The following LDLRAD3 variants were observed in gnomAD, a reference collection of about 807,000 sequenced individuals.
LDLRAD3 encodes low density lipoprotein receptor class A domain containing 3, also known as low-density lipoprotein receptor class A domain-containing protein 3.
LDLRAD3 carries 20 observed loss-of-function variants against 29.4 expected under a neutral mutation model. The ratio of observed to expected loss-of-function variants is 0.68; its 90% CI spans 0.48 to 0.99. LDLRAD3 has a LOEUF of 0.99. Ranked by LOEUF, LDLRAD3 falls within the 50% of genes least tolerant of loss-of-function variation. The pLI is 0.00. For missense variants in LDLRAD3, 420 were observed against 454.3 expected, an observed-to-expected ratio of 0.92 and a Z score of 0.69; for synonymous variants, 157 against 192.7, an observed-to-expected ratio of 0.81 and a Z score of 1.53.
intron 2 of LDLRAD3, 91 bp downstream of exon 2, chr11:36,036,340 C>A: frequency 6.9e-7 from 1 of 1,442,708 alleles, no homozygotes; most frequent in Non-Finnish European, 9.5e-7. Context: ...CCTGCACACT[C>A]TGCTTGCTGC....
intron 2 of LDLRAD3, among the ~76,000 whole-genome samples, chr11:36,061,963 G>C (rs1852707070): frequency 6.7e-6 from 1 of 150,346 alleles, no homozygotes; most frequent in Non-Finnish European, 1.5e-5. Context: ...CTGATACCAA[G>C]CCACTTTGGG....
chr11:36,027,746 C>T (rs1305525059), intron 1 of LDLRAD3, among the ~76,000 whole-genome samples: 1 of 152,210 alleles, frequency 6.6e-6, no homozygotes, highest in Non-Finnish European at 1.5e-5. Flanking sequence ...GCACAAGGGG[C>T]TGGGCTGAAC....
At chr11:36,083,780 A>ACACACACC (rs1341157355) in intron 3 of LDLRAD3, among the ~76,000 whole-genome samples, 1 of 74,780 alleles carries the variant, frequency 1.3e-5, no homozygotes, top group Non-Finnish European at 3.0e-5. Context: ...ACACACACAC[A>ACACACACC]CCCCAGAATA....
chr11:36,025,833 G>A (rs1049477937), intron 1 of LDLRAD3, among the ~76,000 whole-genome samples: 4 of 141,782 alleles, frequency 2.8e-5, no homozygotes, highest in Non-Finnish European at 6.0e-5. Context: ...AGGCTGGAGT[G>A]CAGTGGCATG....
chr11:36,099,665 T>G (rs1210358309), intron 4 of LDLRAD3, among the ~76,000 whole-genome samples: 1 of 152,224 alleles, frequency 6.6e-6, no homozygotes, highest in Non-Finnish European at 1.5e-5. Flanking sequence ...ATGTAGGTTA[T>G]TTTCAAGGTC....
At chr11:36,205,872 A>G (rs1855199595) in intron 4 of LDLRAD3, among the ~76,000 whole-genome samples, 1 of 152,170 alleles carries the variant, frequency 6.6e-6, no homozygotes, top group Admixed American at 6.5e-5. Context: ...GTAGAATATT[A>G]ATTGACATGA....
At chr11:35,997,332 T>C in intron 1 of LDLRAD3, 1 of 452,264 alleles carries the variant, frequency 2.2e-6, no homozygotes, top group Non-Finnish European at 4.3e-6. Flanking sequence ...CAGTGCCACA[T>C]CTGTGAAGCA....
intron 1 of LDLRAD3, among the ~76,000 whole-genome samples, chr11:36,025,319 T>G (rs1852149459): frequency 1.3e-5 from 2 of 152,110 alleles, no homozygotes; most frequent in Admixed American, 6.5e-5. Context: ...TTACCAAGAA[T>G]AGCACAAATC....
chr11:35,983,435 C>T (rs1851568165), intron 1 of LDLRAD3, among the ~76,000 whole-genome samples: 1 of 152,024 alleles, frequency 6.6e-6, no homozygotes, highest in East Asian at 1.9e-4. Flanking sequence ...ACCGCATGGA[C>T]CTGTTTGGGC....
chr11:36,089,812 A>G (rs1853252433), intron 3 of LDLRAD3, among the ~76,000 whole-genome samples: 1 of 135,696 alleles, frequency 7.4e-6, no homozygotes, highest in African/African-American at 2.8e-5. Flanking sequence ...GGGTCTTGCT[A>G]TGCTGCCTTG....
At chr11:36,122,034 G>A (rs762069998) in intron 4 of LDLRAD3, among the ~76,000 whole-genome samples, 1 of 152,146 alleles carries the variant, frequency 6.6e-6, no homozygotes, top group Admixed American at 6.5e-5. Flanking sequence ...GGAGACAATG[G>A]GATAGGCATG....
At chr11:36,216,059 C>G (rs1252695524) in intron 4 of LDLRAD3, among the ~76,000 whole-genome samples, 2 of 152,218 alleles carry the variant, frequency 1.3e-5, no homozygotes, top group East Asian at 3.8e-4. Flanking sequence ...ACTTCATGCT[C>G]AGGAGCTGCT....
chr11:36,123,999 A>G (rs1003264368), intron 4 of LDLRAD3, among the ~76,000 whole-genome samples: 2 of 152,236 alleles, frequency 1.3e-5, no homozygotes, highest in African/African-American at 4.8e-5. Flanking sequence ...GACTAAATAA[A>G]AGGGGGAGGA....
chr11:36,041,870 T>G (rs1048832808), intron 2 of LDLRAD3, among the ~76,000 whole-genome samples: 4 of 117,360 alleles, frequency 3.4e-5, no homozygotes, highest in African/African-American at 9.9e-5. Context: ...TTGGTGGGTG[T>G]GTTTGGTTGA....
At chr11:36,158,326 T>C (rs1200137818) in intron 4 of LDLRAD3, among the ~76,000 whole-genome samples, 1 of 152,024 alleles carries the variant, frequency 6.6e-6, no homozygotes, top group African/African-American at 2.4e-5. Context: ...CACCAAAGAC[T>C]CTCTCACCCC....
chr11:35,965,516 G>A (rs1038941463), intron 1 of LDLRAD3, among the ~76,000 whole-genome samples: 2 of 152,146 alleles, frequency 1.3e-5, no homozygotes, highest in Admixed American at 1.3e-4. Context: ...TTTGTTTTCA[G>A]GTATGTGGGT....
chr11:36,122,151 G>T (rs572341726), intron 4 of LDLRAD3, among the ~76,000 whole-genome samples: 3 of 152,232 alleles, frequency 2.0e-5, no homozygotes, highest in African/African-American at 7.2e-5. Flanking sequence ...TGCACCTTAG[G>T]ATTTTTACCT....
intron 4 of LDLRAD3, among the ~76,000 whole-genome samples, chr11:36,099,872 C>T (rs1382844232): frequency 6.6e-6 from 1 of 152,150 alleles, no homozygotes; most frequent in Non-Finnish European, 1.5e-5. Flanking sequence ...GTGCAGAGAA[C>T]AGCTGTGGGA....
chr11:36,151,717 A>T (rs1854280739), intron 4 of LDLRAD3, among the ~76,000 whole-genome samples: 1 of 152,216 alleles, frequency 6.6e-6, no homozygotes. Context: ...GTCTAGTGCC[A>T]GTTACACATC....
Sources: gnomAD v4.1 joint callset for allele counts (sites outside exome capture counted in the v4.1 genomes callset) on GRCh38, gnomAD v4.1.1 for gene constraint, MANE v1.5 for transcripts, NCBI Gene and HGNC (gene_info 2026-07-23, HGNC 2026-07-21) for gene names.